The following PCDHGA1 variants were observed in gnomAD, a reference collection of about 807,000 sequenced individuals.
PCDHGA1 encodes the protein protocadherin gamma-A1.
A neutral mutation model predicts 58.0 loss-of-function variants in PCDHGA1; 32 were observed. The ratio of observed to expected loss-of-function variants is 0.55; its 90% CI spans 0.42 to 0.74. The LOEUF (loss-of-function observed/expected upper bound fraction) is 0.74. PCDHGA1 is among the 30% of genes least tolerant of loss of function. The probability of loss-of-function intolerance (pLI) is 0.00; values close to 1 mark genes in which losing one functional copy is unlikely to be tolerated. For synonymous variants in PCDHGA1, 498 were observed against 501.1 expected (o/e 0.99, Z 0.08); for missense variants, 1,205 against 1,182.3 (o/e 1.02, Z -0.28).
intron 1 of PCDHGA1, chr5:141,362,371 G>A (rs1016730976): frequency 1.4e-5 from 22 of 1,614,012 alleles, no homozygotes; most frequent in Non-Finnish European, 1.8e-5. Flanking sequence ...TTACAGTGAG[G>A]GTACATTGCC....
At chr5:141,345,596 C>G (rs375745755) in intron 1 of PCDHGA1, 1 of 1,614,112 alleles carries the variant, frequency 6.2e-7, no homozygotes, top group African/African-American at 1.3e-5. Context: ...GATCCTTCGA[C>G]TACGAGCAAT....
chr5:141,384,768 G>C (rs1046016115), intron 1 of PCDHGA1: 4 of 1,613,804 alleles, frequency 2.5e-6, no homozygotes, highest in Non-Finnish European at 3.4e-6. Context: ...GGCTGTACAC[G>C]GGCGAGGTGC....
chr5:141,343,985 CG>C (rs1441140087), intron 1 of PCDHGA1: 13 of 1,448,204 alleles, frequency 9.0e-6, no homozygotes, highest in Non-Finnish European at 1.2e-5. Context: ...TGGAGTCCGT[CG>C]TAGGAAACTG....
intron 1 of PCDHGA1, among the ~76,000 whole-genome samples, chr5:141,363,685 C>T (rs1188372642): frequency 2.6e-5 from 4 of 152,198 alleles, no homozygotes; most frequent in Admixed American, 2.6e-4. Context: ...GCTAATATAA[C>T]TTACATAAAT....
chr5:141,460,128 T>C (rs10051366), intron 1 of PCDHGA1, among the ~76,000 whole-genome samples: 42,386 of 151,808 alleles, frequency 0.28, 6,635 homozygotes, highest in African/African-American at 0.43. Context: ...ATATGTAATA[T>C]ATATATTCTT....
At chr5:141,374,551 G>C (rs1314667705) in intron 1 of PCDHGA1, 2 of 1,613,400 alleles carry the variant, frequency 1.2e-6, no homozygotes, top group African/African-American at 2.7e-5. Context: ...CACTAATGGA[G>C]GTCTATGACC....
chr5:141,448,903 C>A (rs1460471063), intron 1 of PCDHGA1, among the ~76,000 whole-genome samples: 2 of 152,112 alleles, frequency 1.3e-5, no homozygotes, highest in Non-Finnish European at 2.9e-5. Context: ...CGAGATCGTG[C>A]CACTGCACTC....
In PCDHGA1 at chr5:141,490,072, G is replaced by A; in HGVS notation, c.2422-4735G>A. On this transcript the variant is annotated intron_variant, in intron 1 of 3. Transcript: ENST00000517417. This position sits in a 1 kb window ranked among gnomAD's most constrained non-coding sequence, Gnocchi z 5.4. ...AGACGAGGGCACCAACGGCCAACTA[G>A]ACTATTCTTTTGGAGACCACACATC... is the stretch of plus-strand genomic sequence containing the variant. The A allele has an allele frequency of 6.2e-7, 1 of 1,614,254 alleles. No homozygotes were observed. The highest frequency in any genetic ancestry group is 8.5e-7 in the Non-Finnish European group (1 of 1,180,042).
chr5:141,365,198 G>A, intron 1 of PCDHGA1: 1 of 1,613,856 alleles, frequency 6.2e-7, no homozygotes, highest in Non-Finnish European at 8.5e-7. Context: ...AAAAATTTCG[G>A]AGACTTTCCA....
chr5:141,404,764 C>T (rs371618979), intron 1 of PCDHGA1: 1 of 1,613,802 alleles, frequency 6.2e-7, no homozygotes, highest in Non-Finnish European at 8.5e-7. Context: ...ATGCTTGGCT[C>T]TCCTACCGCC....
intron 1 of PCDHGA1, chr5:141,400,133 C>G: frequency 3.7e-6 from 6 of 1,614,066 alleles, no homozygotes; most frequent in Non-Finnish European, 5.1e-6. Flanking sequence ...GAGGTGCTGC[C>G]GGATATCACT....
At chr5:141,467,597 A>T (rs2099147099) in intron 1 of PCDHGA1, among the ~76,000 whole-genome samples, 1 of 152,136 alleles carries the variant, frequency 6.6e-6, no homozygotes, top group Non-Finnish European at 1.5e-5. Flanking sequence ...TTTATTAAGC[A>T]CTTCATCTTT....
intron 1 of PCDHGA1, 148 bp from the exon 2 acceptor site, chr5:141,494,659 T>C (rs749872848): frequency 2.3e-4 from 343 of 1,488,556 alleles, no homozygotes; most frequent in Non-Finnish European, 2.9e-4. Flanking sequence ...ATTTTGTCTT[T>C]GGAGATGAGT....
At chr5:141,492,026 G>T in intron 1 of PCDHGA1, 1 of 567,198 alleles carries the variant, frequency 1.8e-6, no homozygotes, top group Non-Finnish European at 3.0e-6. Flanking sequence ...GGGGTCCCGG[G>T]AGGAGGCAGT....
chr5:141,499,138 G>A (rs765607930), intron 2 of PCDHGA1, among the ~76,000 whole-genome samples: 12 of 152,144 alleles, frequency 7.9e-5, no homozygotes, highest in Non-Finnish European at 1.5e-4. Flanking sequence ...TCCTTTGGGT[G>A]TCTGATCCCA....
intron 1 of PCDHGA1, among the ~76,000 whole-genome samples, chr5:141,373,018 T>C (rs200877775): frequency 1.8e-4 from 27 of 152,226 alleles, no homozygotes; most frequent in Non-Finnish European, 1.5e-4. Context: ...CTCCTTTTGA[T>C]AGTCTTGAAA....
At chr5:141,389,806 T>C in intron 1 of PCDHGA1, 3 of 1,613,810 alleles carry the variant, frequency 1.9e-6, no homozygotes, top group Non-Finnish European at 2.5e-6. Flanking sequence ...CAGCGCCTTC[T>C]GGTCGCCGTG....
At chr5:141,379,660 C>T (rs922191885) in intron 1 of PCDHGA1, 1 of 152,100 alleles carries the variant, frequency 6.6e-6, no homozygotes, top group African/African-American at 2.4e-5. Flanking sequence ...CTTCTACTCT[C>T]ACAAAAGTCA....
chr5:141,408,153 C>T, intron 1 of PCDHGA1: 4 of 1,509,360 alleles, frequency 2.7e-6, no homozygotes, highest in Non-Finnish European at 3.6e-6. Context: ...CGGTAGAGTG[C>T]ACTTTCTCCA....
Sources: allele counts gnomAD v4.1 joint callset (sites outside exome capture counted in the v4.1 genomes callset), GRCh38; gene constraint gnomAD v4.1.1; non-coding constraint Gnocchi (gnomAD v3.1); transcripts MANE v1.5; gene names NCBI Gene and HGNC (gene_info 2026-07-23, HGNC 2026-07-21).